Variants in FIRRM observed in about 807,000 individuals in gnomAD.
FIRRM encodes FIGNL1 interacting regulator of recombination and mitosis, also known as FIGNL1-interacting regulator of recombination and mitosis.
chr1:169,829,909 G>C, the FIRRM span, among the ~76,000 whole-genome samples: 4 of 152,160 alleles, frequency 2.6e-5, no homozygotes, highest in South Asian at 8.3e-4. Flanking sequence ...ATTAAATGTT[G>C]TATGTGAATA....
the FIRRM span, among the ~76,000 whole-genome samples, chr1:169,817,804 T>G: frequency 1.3e-5 from 2 of 152,304 alleles, no homozygotes; most frequent in South Asian, 2.1e-4. Context: ...TAAGGTAAGA[T>G]TCTCATAAAC....
chr1:169,808,050 GTTT>G, the FIRRM span: 1 of 921,158 alleles, frequency 1.1e-6, no homozygotes, highest in South Asian at 1.7e-5. Flanking sequence ...TCATTTGGGT[GTTT>G]TTTTTTGATC....
chr1:169,846,846 A>T, the FIRRM span, among the ~76,000 whole-genome samples: 2 of 152,322 alleles, frequency 1.3e-5, no homozygotes, highest in South Asian at 4.1e-4. Context: ...TTTCCTTTGC[A>T]TTCACGACTT....
At chr1:169,808,607 T>TG in the FIRRM span, among the ~76,000 whole-genome samples, 1 of 84,500 alleles carries the variant, frequency 1.2e-5, no homozygotes, top group Non-Finnish European at 2.4e-5. Flanking sequence ...ATATGTCATT[T>TG]GTTTTTTTTT....
At chr1:169,794,626 G>A in the FIRRM span, 1 of 165,256 alleles carries the variant, frequency 6.1e-6, no homozygotes, top group East Asian at 1.7e-4. Context: ...CTTTATACAA[G>A]ATTTACAATT....
the FIRRM span, chr1:169,826,149 T>G: frequency 4.2e-6 from 1 of 239,790 alleles, no homozygotes; most frequent in South Asian, 5.0e-5. Context: ...CTCGGCTCAC[T>G]GCAACCTCCA....
the FIRRM span, among the ~76,000 whole-genome samples, chr1:169,798,230 G>A: frequency 6.6e-6 from 1 of 151,828 alleles, no homozygotes; most frequent in Admixed American, 6.6e-5. Flanking sequence ...GCAGTGAGGT[G>A]TGATCATGTC....
the FIRRM span, among the ~76,000 whole-genome samples, chr1:169,819,289 G>T: frequency 6.6e-6 from 1 of 152,162 alleles, no homozygotes. Context: ...GGGGTTGAGG[G>T]GAAGGTGGGG....
chr1:169,850,402 A>T, the FIRRM span: 1 of 1,244,922 alleles, frequency 8.0e-7, no homozygotes, highest in Non-Finnish European at 1.2e-6. Flanking sequence ...TTTTTCCGAA[A>T]TTATGTAACT....
the FIRRM span, chr1:169,795,856 C>CGCTTGTTG: frequency 1.1e-5 from 11 of 985,088 alleles, no homozygotes; most frequent in Non-Finnish European, 2.4e-6. Flanking sequence ...AGAGTTCTTC[C>CGCTTGTTG]GCTTGTTGTT....
the FIRRM span, chr1:169,804,314 T>C: frequency 2.8e-6 from 3 of 1,059,442 alleles, no homozygotes; most frequent in East Asian, 5.8e-5. Flanking sequence ...TCTCTAATGA[T>C]TCATGTTATT....
chr1:169,852,965 G>A, the FIRRM span: 87 of 1,613,844 alleles, frequency 5.4e-5, no homozygotes, highest in Admixed American at 1.3e-3. Flanking sequence ...AAGCTAAAAC[G>A]TTACATACAT....
At chr1:169,843,007 T>G in the FIRRM span, among the ~76,000 whole-genome samples, 1 of 152,226 alleles carries the variant, frequency 6.6e-6, no homozygotes. Flanking sequence ...ACTAATGATA[T>G]GCATCCCACA....
the FIRRM span, chr1:169,827,832 G>A: frequency 2.5e-6 from 4 of 1,613,738 alleles, no homozygotes; most frequent in Admixed American, 1.7e-5. Flanking sequence ...TCTCAGAAAC[G>A]ACAACCAGGT....
the FIRRM span, chr1:169,827,815 A>G: frequency 6.2e-7 from 1 of 1,614,044 alleles, no homozygotes; most frequent in Non-Finnish European, 8.5e-7. Context: ...GTGCACAGAC[A>G]GCCAGGTCTC....
At chr1:169,829,307 C>T in the FIRRM span, 3 of 1,609,306 alleles carry the variant, frequency 1.9e-6, no homozygotes, top group Middle Eastern at 1.7e-4. Context: ...GAGCAGTGTT[C>T]TGGTGAACTC....
chr1:169,790,241 G>A, the FIRRM span, among the ~76,000 whole-genome samples: 3 of 151,864 alleles, frequency 2.0e-5, no homozygotes, highest in Admixed American at 6.6e-5. Flanking sequence ...GCAATGGCGC[G>A]ATCTCGGCTC....
At chr1:169,788,230 A>G in the FIRRM span, among the ~76,000 whole-genome samples, 1 of 152,202 alleles carries the variant, frequency 6.6e-6, no homozygotes, top group African/African-American at 2.4e-5. Flanking sequence ...AGTTATACGC[A>G]GATTTTCTTC....
the FIRRM span, chr1:169,804,319 G>T: frequency 5.7e-6 from 6 of 1,053,260 alleles, no homozygotes; most frequent in Non-Finnish European, 7.6e-6. Context: ...AATGATTCAT[G>T]TTATTTTCTT....
Sources: allele counts gnomAD v4.1 joint callset (sites outside exome capture counted in the v4.1 genomes callset), GRCh38; gene constraint gnomAD v4.1.1; transcripts MANE v1.5; gene names NCBI Gene and HGNC (gene_info 2026-07-23, HGNC 2026-07-21).